The following XYLT1 variants were observed in gnomAD, a reference collection of about 807,000 sequenced individuals.
XYLT1 encodes the protein beta-D-xylosyltransferase 1.
Under a neutral mutation model 91.3 loss-of-function variants are expected in XYLT1, and 36 were observed. The observed-to-expected ratio is 0.39, with a 90% confidence interval of 0.30 to 0.52. XYLT1 has a LOEUF of 0.52. Ranked by LOEUF, XYLT1 falls within the 20% of genes least tolerant of loss-of-function variation. The probability of loss-of-function intolerance (pLI) is 0.68; values close to 1 mark genes in which losing one functional copy is unlikely to be tolerated. For synonymous variants in XYLT1, 588 were observed against 532.0 expected (o/e 1.11, Z -1.45); for missense variants, 1,242 against 1,284.5 (o/e 0.97, Z 0.51).
chr16:17,334,516 C>T (rs940562433), intron 2 of XYLT1, among the ~76,000 whole-genome samples: 1 of 129,404 alleles, frequency 7.7e-6, no homozygotes, highest in Non-Finnish European at 1.7e-5. Context: ...TGAATTCACA[C>T]TTCAGACCAA....
At chr16:17,243,339 G>A (rs992516564) in intron 3 of XYLT1, among the ~76,000 whole-genome samples, 2 of 152,180 alleles carry the variant, frequency 1.3e-5, no homozygotes, top group Non-Finnish European at 2.9e-5. Flanking sequence ...TCACAGCACT[G>A]TCTTGCTCAA....
intron 2 of XYLT1, among the ~76,000 whole-genome samples, chr16:17,350,869 A>G (rs1376081647): frequency 1.3e-5 from 2 of 152,192 alleles, no homozygotes; most frequent in African/African-American, 4.8e-5. Flanking sequence ...GAGCTTCACA[A>G]GAAAGAAGTT....
At chr16:17,203,348 A>C (rs1364565613) in intron 3 of XYLT1, among the ~76,000 whole-genome samples, 1 of 152,034 alleles carries the variant, frequency 6.6e-6, no homozygotes, top group African/African-American at 2.4e-5. Context: ...CCATCCATCT[A>C]TTCCTCCACC....
At chr16:17,200,719 A>G in intron 3 of XYLT1, 65 bp from the exon 4 acceptor site, 1 of 1,571,448 alleles carries the variant, frequency 6.4e-7, no homozygotes, top group Non-Finnish European at 8.7e-7. Flanking sequence ...CAGGGGTGGG[A>G]AGTTTCTCTG....
At position 17,182,892 on chromosome 16, in the gene XYLT1, G is replaced by T. The variant is rs554712496; in HGVS notation, c.1289+15320C>A. On this transcript the variant is annotated intron_variant, in intron 5 of 11. Coordinates refer to ENST00000261381, the MANE Select transcript of XYLT1 (RefSeq NM_022166.4). ...TTGTTCTTGCTAACGCAGGACAGAT[G>T]GTTCCTAGGTCTATGCTTAGAGCAC... is the stretch of plus-strand genomic sequence containing the variant. 2.0e-5 allele frequency among the ~76,000 whole-genome samples: 3 copies of T among 152,256 alleles called. No individual in the cohort carries two copies. The East Asian group carries it at 5.8e-4, about 29-fold the overall frequency.
intron 3 of XYLT1, among the ~76,000 whole-genome samples, chr16:17,244,772 A>G (rs1216728844): frequency 6.6e-6 from 1 of 152,206 alleles, no homozygotes; most frequent in Non-Finnish European, 1.5e-5. Context: ...AATGTCCCTC[A>G]ATAGGGGAAT....
intron 5 of XYLT1, among the ~76,000 whole-genome samples, chr16:17,197,829 C>G (rs1043241578): frequency 7.9e-5 from 12 of 152,256 alleles, no homozygotes; most frequent in African/African-American, 2.9e-4. Flanking sequence ...AGCTTGCAGA[C>G]GGCCTATCGT....
intron 1 of XYLT1, among the ~76,000 whole-genome samples, chr16:17,389,596 G>C (rs1375572438): frequency 2.0e-5 from 3 of 152,204 alleles, no homozygotes; most frequent in African/African-American, 7.2e-5. Context: ...CTTTCTGTCT[G>C]ATCAGCCCCA....
At chr16:17,257,562 C>T (rs904141769) in intron 3 of XYLT1, among the ~76,000 whole-genome samples, 15 of 152,122 alleles carry the variant, frequency 9.9e-5, no homozygotes, top group African/African-American at 3.4e-4. Context: ...GCTATGGTGG[C>T]AGGGGCTAGC....
rs933598791 is a variant in XYLT1 at position 17,103,908 on chromosome 16, A to C, written c.*4787T>G. 12 of 152,498 alleles carry C rather than the reference A, an allele frequency of 7.9e-5. No individual in the cohort carries two copies. Among genetic ancestry groups the C allele is most frequent in the African/African-American group, 2.9e-4 (12 of 41,382 alleles). The allele number at this position is 152,498 out of a possible 1,614,324, so 9.4% of individuals were successfully genotyped here. On this transcript the variant is annotated 3_prime_UTR_variant, in exon 12 of 12. Coordinates refer to ENST00000261381, the MANE Select transcript of XYLT1 (RefSeq NM_022166.4). ...ACAGTATCTTGTTTGCAAGGTAAAC[A>C]CAAAACAAAACAAAACAAAACAAAA... is the stretch of plus-strand genomic sequence containing the variant.
intron 1 of XYLT1, among the ~76,000 whole-genome samples, chr16:17,430,342 G>A (rs1377063887): frequency 2.0e-5 from 3 of 152,064 alleles, no homozygotes; most frequent in Admixed American, 6.6e-5. Flanking sequence ...TTCAGATTAC[G>A]GGTGCTCAAC....
intron 1 of XYLT1, among the ~76,000 whole-genome samples, chr16:17,459,400 G>A (rs1341380294): frequency 6.6e-6 from 1 of 152,102 alleles, no homozygotes; most frequent in Non-Finnish European, 1.5e-5. Flanking sequence ...TTTAAGAAGT[G>A]AATAAATGTT....
chr16:17,443,464 C>T (rs1174048607), intron 1 of XYLT1, among the ~76,000 whole-genome samples: 1 of 152,132 alleles, frequency 6.6e-6, no homozygotes, highest in African/African-American at 2.4e-5. Flanking sequence ...CTGACAGTTT[C>T]CCCTGCATTG....
At chr16:17,183,009 G>A (rs923539724) in intron 5 of XYLT1, among the ~76,000 whole-genome samples, 17 of 152,204 alleles carry the variant, frequency 1.1e-4, no homozygotes, top group Middle Eastern at 3.2e-3. Flanking sequence ...CAGCCACATC[G>A]TAGTGTTGGC....
chr16:17,271,393 G>A (rs1182301026), intron 2 of XYLT1, among the ~76,000 whole-genome samples: 1 of 151,146 alleles, frequency 6.6e-6, no homozygotes, highest in Non-Finnish European at 1.5e-5. Context: ...GAGACACAGA[G>A]AGAAAGATAC....
At chr16:17,435,617 G>GA (rs34281511) in intron 1 of XYLT1, among the ~76,000 whole-genome samples, 12 of 147,772 alleles carry the variant, frequency 8.1e-5, no homozygotes, top group Admixed American at 4.7e-4. Context: ...TGATGAGAAG[G>GA]AAAAAAAAAA....
chr16:17,355,734 G>A (rs939318986), intron 2 of XYLT1, among the ~76,000 whole-genome samples: 2 of 151,968 alleles, frequency 1.3e-5, no homozygotes, highest in African/African-American at 2.4e-5. Context: ...TTTTGAGACC[G>A]AGTCTCACTC....
At chr16:17,233,809 G>T (rs1361986247) in intron 3 of XYLT1, among the ~76,000 whole-genome samples, 8 of 152,142 alleles carry the variant, frequency 5.3e-5, no homozygotes, top group Non-Finnish European at 1.0e-4. Context: ...TCCAGGCATT[G>T]ACATCCTGCC....
intron 6 of XYLT1, among the ~76,000 whole-genome samples, chr16:17,148,769 C>A (rs1347426087): frequency 1.3e-5 from 2 of 152,100 alleles, no homozygotes; most frequent in Non-Finnish European, 2.9e-5. Flanking sequence ...CATAGTCCCA[C>A]CAAAAAGATA....
Sources: gnomAD v4.1 joint callset for allele counts (sites outside exome capture counted in the v4.1 genomes callset) on GRCh38, gnomAD v4.1.1 for gene constraint, MANE v1.5 for transcripts, NCBI Gene and HGNC (gene_info 2026-07-23, HGNC 2026-07-21) for gene names.